Variants in PRKAG2 observed in about 807,000 individuals in gnomAD.
The protein encoded by PRKAG2 is protein kinase AMP-activated non-catalytic subunit gamma 2.
PRKAG2 carries 26 observed loss-of-function variants against 69.6 expected under a neutral mutation model. The ratio of observed to expected loss-of-function variants is 0.37; its 90% confidence interval spans 0.27 to 0.52. PRKAG2 has a LOEUF of 0.52. PRKAG2 is among the 20% of genes least tolerant of loss of function. The pLI is 0.90. For synonymous variants in PRKAG2, 293 were observed against 285.0 expected, an observed-to-expected ratio of 1.03 and a Z score of -0.28; for missense variants, 557 against 740.0, an observed-to-expected ratio of 0.75 and a Z score of 2.87.
At chr7:151,674,022 T>C (rs563017813) in intron 4 of PRKAG2, among the ~76,000 whole-genome samples, 1 of 152,228 alleles carries the variant, frequency 6.6e-6, no homozygotes, top group South Asian at 2.1e-4. Context: ...TTTGTATTTT[T>C]AGTAAAGACA....
At chr7:151,734,190 T>TC (rs1215528834) in intron 3 of PRKAG2, 1 of 152,246 alleles carries the variant, frequency 6.6e-6, no homozygotes, top group African/African-American at 2.4e-5. Flanking sequence ...TGCAGACGCT[T>TC]CCAGGAGAGC....
intron 5 of PRKAG2, among the ~76,000 whole-genome samples, chr7:151,610,734 C>G (rs1462306410): frequency 1.1e-5 from 1 of 93,452 alleles, no homozygotes; most frequent in African/African-American, 3.9e-5. Context: ...AATATTTTTT[C>G]TTTTCTTTTT....
chr7:151,599,919 C>G (rs1815636430), intron 5 of PRKAG2, among the ~76,000 whole-genome samples: 1 of 152,200 alleles, frequency 6.6e-6, no homozygotes, highest in African/African-American at 2.4e-5. Flanking sequence ...CTCCAACCCC[C>G]TATTTTTTTC....
At position 151,854,128 on chromosome 7, in the gene PRKAG2, G is replaced by A. The variant is rs1405309309; in HGVS notation, c.114+22379C>T. ...AGTGCCAGCAGGCAGTGCCCATCACGGGCCAGAGAGAAGAAGCCTCCACCC... is the reference window on the plus strand; with the variant it reads ...AGTGCCAGCAGGCAGTGCCCATCACAGGCCAGAGAGAAGAAGCCTCCACCC... On this transcript the variant is annotated intron_variant, in intron 1 of 15. Coordinates refer to ENST00000287878, the MANE Select transcript of PRKAG2 (RefSeq NM_016203.4). 5.9e-5 allele frequency among the ~76,000 whole-genome samples: 9 copies of A among 152,326 alleles called. 1 individual carries two copies. In the South Asian group the frequency reaches 1.2e-3, roughly 21 times the overall value.
intron 1 of PRKAG2, among the ~76,000 whole-genome samples, chr7:151,840,280 G>C (rs1037570996): frequency 6.6e-6 from 1 of 152,180 alleles, no homozygotes; most frequent in Non-Finnish European, 1.5e-5. Flanking sequence ...AATGCAACTG[G>C]CTGGCTAAGG....
In PRKAG2 at chr7:151,557,251, T is replaced by A. The variant is rs200262620; in HGVS notation, c.1679-19A>T. On this transcript the variant is annotated intron_variant, in intron 15 of 15. Coordinates refer to ENST00000287878, the MANE Select transcript of PRKAG2 (RefSeq NM_016203.4). ...TTGGCACCTGTCAGTGGATGGAAGA[T>A]GAAAGTTTCAAAGCTCATGGTAACA... The A allele has an allele frequency of 1.9e-4, 304 of 1,613,856 alleles. No individual in the cohort carries two copies. The highest frequency in any genetic ancestry group is 2.4e-4 in the Non-Finnish European group (289 of 1,179,950).
intron 6 of PRKAG2, among the ~76,000 whole-genome samples, chr7:151,577,443 A>G (rs985303843): frequency 6.6e-6 from 1 of 152,238 alleles, no homozygotes; most frequent in Non-Finnish European, 1.5e-5. Flanking sequence ...TTAATAACCC[A>G]AGAAATGCAA....
At chr7:151,694,964 C>T (rs1486973599) in intron 3 of PRKAG2, among the ~76,000 whole-genome samples, 1 of 152,274 alleles carries the variant, frequency 6.6e-6, no homozygotes, top group African/African-American at 2.4e-5. Context: ...CTGTCCCTTC[C>T]TTCTGGGCCA....
At chr7:151,757,497 G>A (rs1036358849) in intron 3 of PRKAG2, among the ~76,000 whole-genome samples, 12 of 152,128 alleles carry the variant, frequency 7.9e-5, no homozygotes, top group Non-Finnish European at 1.3e-4. Context: ...TGGGAGATTC[G>A]GATTCAACCA....
intron 1 of PRKAG2, among the ~76,000 whole-genome samples, chr7:151,839,638 C>T (rs542579111): frequency 3.0e-4 from 46 of 152,340 alleles, no homozygotes; most frequent in African/African-American, 9.6e-4. Flanking sequence ...GTCATGGAGA[C>T]GCCGCCTCGG....
At chr7:151,688,776 A>G (rs1835166080) in intron 3 of PRKAG2, among the ~76,000 whole-genome samples, 2 of 152,186 alleles carry the variant, frequency 1.3e-5, no homozygotes, top group African/African-American at 4.8e-5. Flanking sequence ...TCATCTGACG[A>G]AACTGATGAA....
intron 4 of PRKAG2, among the ~76,000 whole-genome samples, chr7:151,663,975 T>C (rs1563372811): frequency 6.6e-6 from 1 of 152,194 alleles, no homozygotes; most frequent in Admixed American, 6.5e-5. Context: ...CACTCTGCTG[T>C]TGCAGCATGA....
At chr7:151,594,854 A>G (rs888408706) in intron 6 of PRKAG2, among the ~76,000 whole-genome samples, 1 of 151,900 alleles carries the variant, frequency 6.6e-6, no homozygotes, top group Non-Finnish European at 1.5e-5. Context: ...GCTGGAGTGC[A>G]GTGGCACAAG....
At chr7:151,842,561 G>A (rs1310291491) in intron 1 of PRKAG2, among the ~76,000 whole-genome samples, 1 of 149,902 alleles carries the variant, frequency 6.7e-6, no homozygotes, top group Non-Finnish European at 1.5e-5. Flanking sequence ...AGTGATGGTA[G>A]TGATGGTAGG....
At chr7:151,728,227 G>A (rs1470322297) in intron 3 of PRKAG2, among the ~76,000 whole-genome samples, 2 of 152,132 alleles carry the variant, frequency 1.3e-5, no homozygotes, top group African/African-American at 4.8e-5. Context: ...CTCAGGGAAC[G>A]TTCATGTTGA....
intron 3 of PRKAG2, among the ~76,000 whole-genome samples, chr7:151,686,018 G>A (rs980059286): frequency 6.6e-6 from 1 of 152,136 alleles, no homozygotes; most frequent in Non-Finnish European, 1.5e-5. Context: ...CTAAACCCTT[G>A]TCTGGGCAGT....
chr7:151,583,090 G>A lies in PRKAG2; in HGVS notation c.865-6638C>T, dbSNP rs1417675951. Among the ~76,000 whole-genome samples, 37 of 152,236 alleles carry A rather than the reference G, an allele frequency of 2.4e-4. No individual in the cohort carries two copies. The highest frequency in any genetic ancestry group is 1.9e-4 in the East Asian group (1 of 5,182). On this transcript the variant is annotated intron_variant, in intron 6 of 15. Coordinates refer to ENST00000287878, the MANE Select transcript of PRKAG2 (RefSeq NM_016203.4). The surrounding 1 kb of genome is among the most constrained non-coding windows in gnomAD (Gnocchi z 4.1). ...GGCTCAAGTATAGTGGTATGATCAC[G>A]GCTCACTGCAGCCTCAACCTCGTAG...
rs1387000332 is a variant in PRKAG2, at chr7:151,756,209, A to C, written c.466+24943T>G. On this transcript the variant is annotated intron_variant, in intron 3 of 15. Transcript: ENST00000287878. This position sits in a 1 kb window ranked among gnomAD's most constrained non-coding sequence, Gnocchi z 4.9. Reference sequence around the variant, plus strand: ...TGGCCTCCCTGAAAGTGAGGAGTAAAATGACTCACGTACAGGTCATGTGAG... The same window carrying C: ...TGGCCTCCCTGAAAGTGAGGAGTAACATGACTCACGTACAGGTCATGTGAG... Among the ~76,000 whole-genome samples the C allele has an allele frequency of 6.6e-6, 1 of 152,100 alleles. No individual in the cohort carries two copies. Among genetic ancestry groups the C allele is most frequent in the Non-Finnish European group, 1.5e-5 (1 of 68,022 alleles).
chr7:151,636,476 G>A (rs1216297941), intron 4 of PRKAG2, among the ~76,000 whole-genome samples: 2 of 152,190 alleles, frequency 1.3e-5, no homozygotes, highest in African/African-American at 4.8e-5. Context: ...ACACGGATCA[G>A]CACTTCATTT....
Sources: gnomAD v4.1 joint callset for allele counts (sites outside exome capture counted in the v4.1 genomes callset) on GRCh38, gnomAD v4.1.1 for gene constraint, Gnocchi (gnomAD v3.1) non-coding constraint, MANE v1.5 for transcripts, NCBI Gene and HGNC (gene_info 2026-07-23, HGNC 2026-07-21) for gene names.